Variants in SYNE1 observed in about 807,000 individuals in gnomAD.
SYNE1 encodes spectrin repeat containing nuclear envelope protein 1.
SYNE1 carries 616 observed loss-of-function variants against 1,111.0 expected under a neutral mutation model. That is an observed-to-expected ratio of 0.55 (90% CI 0.52 to 0.59). The LOEUF (loss-of-function observed/expected upper bound fraction) is 0.59. Ranked by LOEUF, SYNE1 falls within the 20% of genes least tolerant of loss-of-function variation. The pLI, the probability that SYNE1 is intolerant of heterozygous loss-of-function variation, is 0.00. For missense variants in SYNE1, 10,006 were observed against 10,417.0 expected (o/e 0.96, Z 1.72); for synonymous variants, 3,855 against 3,825.8 (o/e 1.01, Z -0.28).
intron 14 of SYNE1, among the ~76,000 whole-genome samples, chr6:152,480,075 T>C (rs1295222347): frequency 3.3e-5 from 5 of 152,238 alleles, no homozygotes; most frequent in Non-Finnish European, 7.3e-5. Flanking sequence ...TTCCCAAACA[T>C]TCTTGATCAT....
intron 64 of SYNE1, 132 bp from the exon 65 acceptor site, chr6:152,359,590 A>G: frequency 9.3e-7 from 1 of 1,077,880 alleles, no homozygotes. Flanking sequence ...CTCCTCCATC[A>G]TTTTATCTAT....
At chr6:152,614,469 A>G (rs999185526) in intron 3 of SYNE1, among the ~76,000 whole-genome samples, 5 of 152,238 alleles carry the variant, frequency 3.3e-5, no homozygotes, top group African/African-American at 1.2e-4. Context: ...CGATTATTAA[A>G]AAGTCAGAAA....
At chr6:152,283,094 A>G (rs952184127) in intron 96 of SYNE1, among the ~76,000 whole-genome samples, 5 of 152,236 alleles carry the variant, frequency 3.3e-5, no homozygotes, top group African/African-American at 1.2e-4. Context: ...AGGAGCAACA[A>G]TATGAGTAGC....
At chr6:152,374,922 A>ATT (rs2097254130) in intron 58 of SYNE1, among the ~76,000 whole-genome samples, 1 of 149,670 alleles carries the variant, frequency 6.7e-6, no homozygotes, top group African/African-American at 2.5e-5. Context: ...TTTTTAGTTT[A>ATT]TTATTTTATT....
intron 41 of SYNE1, among the ~76,000 whole-genome samples, chr6:152,413,768 A>T (rs987898231): frequency 6.6e-6 from 1 of 152,032 alleles, no homozygotes; most frequent in Non-Finnish European, 1.5e-5. Flanking sequence ...CTCACCATCA[A>T]CCTTCTATTA....
Position 152,208,219 on chromosome 6 carries a change from T to C in SYNE1, c.22590-13A>G. The stretch of plus-strand genomic sequence containing the variant: ...GTTGAATTCATCCCTAGTGAAGAAA[T>C]AATTACATGGTAAAAAAGCACTGTT... On this transcript the variant is annotated splice_polypyrimidine_tract_variant and intron_variant, in intron 124 of 145. Coordinates refer to ENST00000367255, the MANE Select transcript of SYNE1 (RefSeq NM_182961.4). 1 of 1,611,122 alleles carries C rather than the reference T, an allele frequency of 6.2e-7. No individual in the cohort carries two copies. Among genetic ancestry groups the C allele is most frequent in the Middle Eastern group, 1.7e-4 (1 of 6,052 alleles).
intron 3 of SYNE1, among the ~76,000 whole-genome samples, chr6:152,591,173 T>C (rs79567455): frequency 0.022 from 3,319 of 152,282 alleles, 127 homozygotes; most frequent in African/African-American, 0.076. Context: ...GTGTTGTTTA[T>C]TTCACTCTCA....
chr6:152,492,931 CT>C (rs1039183748), intron 11 of SYNE1, among the ~76,000 whole-genome samples: 3 of 98,570 alleles, frequency 3.0e-5, no homozygotes, highest in Non-Finnish European at 7.2e-5. Flanking sequence ...TTTTATGCCT[CT>C]TTTTTAGTTA....
chr6:152,187,688 T>C (rs2070603753), intron 128 of SYNE1, among the ~76,000 whole-genome samples: 1 of 151,956 alleles, frequency 6.6e-6, no homozygotes, highest in African/African-American at 2.4e-5. Flanking sequence ...CCATCCACAC[T>C]AGCCTTAGCT....
At position 152,398,742 on chromosome 6, in the gene SYNE1, A is replaced by G. The variant is rs200802315; in HGVS notation, c.7238-11T>C. ...ATTCCTGCATAGACTCTTTTGAAAG[A>G]AAAAATAAATAAATAAAAATAAAAA... is the stretch of plus-strand genomic sequence containing the variant. On this transcript the variant is annotated splice_polypyrimidine_tract_variant and intron_variant, in intron 48 of 145. Transcript: ENST00000367255. The G allele has an allele frequency of 2.9e-4, 465 of 1,598,538 alleles. No homozygotes were observed. The highest frequency in any genetic ancestry group is 3.7e-4 in the Non-Finnish European group (428 of 1,168,348).
At chr6:152,297,779 C>T (rs563430160) in intron 93 of SYNE1, among the ~76,000 whole-genome samples, 9 of 107,212 alleles carry the variant, frequency 8.4e-5, no homozygotes, top group South Asian at 3.5e-4. Flanking sequence ...GGCAGTCTCA[C>T]TCTGTGTGTG....
intron 3 of SYNE1, among the ~76,000 whole-genome samples, chr6:152,608,161 A>C (rs2099621375): frequency 7.5e-5 from 1 of 13,412 alleles, no homozygotes; most frequent in Non-Finnish European, 1.9e-4. Flanking sequence ...AAAATAAATA[A>C]ATAAAAATAA....
At chr6:152,298,432 T>A (rs1433456052) in intron 93 of SYNE1, among the ~76,000 whole-genome samples, 1 of 152,210 alleles carries the variant, frequency 6.6e-6, no homozygotes, top group East Asian at 1.9e-4. Context: ...CCTCGGTATT[T>A]CTACCTTCAA....
At chr6:152,506,378 A>C (rs1016118563) in intron 8 of SYNE1, among the ~76,000 whole-genome samples, 1 of 152,146 alleles carries the variant, frequency 6.6e-6, no homozygotes, top group East Asian at 1.9e-4. Flanking sequence ...GCTTCTTTTT[A>C]AAAAGTTAGT....
At chr6:152,255,560 TAC>T (rs1319563244) in intron 103 of SYNE1, 29 bp downstream of exon 103, 1 of 1,613,312 alleles carries the variant, frequency 6.2e-7, no homozygotes, top group Non-Finnish European at 8.5e-7. Context: ...TGTAATGTTA[TAC>T]ACACACAGGC....
chr6:152,447,931 A>T (rs2098606452), intron 28 of SYNE1, among the ~76,000 whole-genome samples: 1 of 152,216 alleles, frequency 6.6e-6, no homozygotes, highest in Admixed American at 6.5e-5. Flanking sequence ...GAGACGCCAC[A>T]ATTGGCAACT....
chr6:152,560,685 A>G (rs1024266556), intron 3 of SYNE1, among the ~76,000 whole-genome samples: 2 of 152,216 alleles, frequency 1.3e-5, no homozygotes, highest in African/African-American at 2.4e-5. Context: ...AAAATTCTCA[A>G]TGAAACACTA....
chr6:152,629,420 C>T (rs866731535), intron 2 of SYNE1, among the ~76,000 whole-genome samples: 21 of 150,648 alleles, frequency 1.4e-4, no homozygotes, highest in African/African-American at 4.6e-4. Context: ...TAGCCAGACT[C>T]GTCTCAAACT....
chr6:152,326,625 C>A lies in SYNE1; in HGVS notation c.14964G>T (p.Leu4988Phe). 3 of 1,613,474 alleles carry A rather than the reference C, an allele frequency of 1.9e-6. No homozygotes were observed. Among genetic ancestry groups the A allele is most frequent in the South Asian group, 1.1e-5 (1 of 90,958 alleles). ...QEALRTRQATLTEIYSQCQRY... is the reference protein window; with the variant it reads ...QEALRTRQATFTEIYSQCQRY... ...TTTGACACTGGCTATATATTTCAGT[C>A]AAGGTAGCCTGAAAAACAGCAATTG... is the stretch of plus-strand genomic sequence containing the variant. The change falls in exon 79 of 146, where the codon TTG (leucine) becomes TTT (phenylalanine). Residue 4988 changes from leucine (L) to phenylalanine (F), a missense_variant. This residue lies in a region of SYNE1 where 4,955 missense variants were observed against 5,017.2 expected (regional missense o/e 0.99). Coordinates refer to ENST00000367255, the MANE Select transcript of SYNE1 (RefSeq NM_182961.4).
Sources: allele counts gnomAD v4.1 joint callset (sites outside exome capture counted in the v4.1 genomes callset), GRCh38; gene constraint gnomAD v4.1.1; regional missense constraint gnomAD v4.1.1; transcripts MANE v1.5; gene names NCBI Gene and HGNC (gene_info 2026-07-23, HGNC 2026-07-21).